The following GRM5 variants were observed in gnomAD, a reference collection of about 807,000 sequenced individuals.
GRM5 encodes the protein glutamate metabotropic receptor 5.
In GRM5, 19 loss-of-function variants were observed where a neutral mutation model predicts 83.1. The observed-to-expected ratio is 0.23, with a 90% CI of 0.16 to 0.34. GRM5 has a LOEUF of 0.34. GRM5 is among the 10% of genes least tolerant of loss of function. The probability of loss-of-function intolerance (pLI) is 1.00; values close to 1 mark genes in which losing one functional copy is unlikely to be tolerated. For missense variants in GRM5, 1,160 were observed against 1,588.3 expected (o/e 0.73, Z 4.58); for synonymous variants, 675 against 633.6 (o/e 1.07, Z -0.98).
In GRM5 at chr11:88,525,311, G is replaced by C; in HGVS notation, c.2724C>G (p.Ser908Arg). 1 of 1,581,278 alleles carries C rather than the reference G, an allele frequency of 6.3e-7. No homozygotes were observed. The highest frequency in any genetic ancestry group is 1.7e-5 in the Admixed American group (1 of 59,926). Reference protein sequence around the residue: ...SMGNGGRATMSSSNGKSVTWA... With the variant: ...SMGNGGRATMRSSNGKSVTWA... ...CAGGCCACTCATAGTTTGCTTACCT[G>C]CTCATTGTTGCTCTCCCACCATTCC... The change falls in exon 9 of 10, where the codon AGC becomes AGG. Residue 908 changes from serine (S) to arginine (R), a missense_variant and splice_region_variant. Physicochemically the swap from Ser to Arg is moderately radical, Grantham distance 110. Around this residue, in one of 9 missense-constraint regions of GRM5, gnomAD observed 562 missense variants for 532.4 expected, o/e 1.06. Transcript: ENST00000305447.
intron 3 of GRM5, among the ~76,000 whole-genome samples, chr11:88,680,715 A>G (rs886439499): frequency 3.9e-5 from 6 of 152,190 alleles, no homozygotes; most frequent in Admixed American, 6.5e-5. Context: ...AATAGCAAAG[A>G]CTTGGAACCA....
intron 2 of GRM5, among the ~76,000 whole-genome samples, chr11:88,971,647 G>A (rs1345864362): frequency 6.6e-6 from 1 of 152,110 alleles, no homozygotes; most frequent in African/African-American, 2.4e-5. Flanking sequence ...ATTCCATGGT[G>A]CATATGTACC....
At chr11:88,659,076 T>C (rs148580081) in intron 3 of GRM5, among the ~76,000 whole-genome samples, 155 of 152,212 alleles carry the variant, frequency 1.0e-3, no homozygotes, top group African/African-American at 3.6e-3. Context: ...GAGAATTGAA[T>C]TAAGGGAGTG....
chr11:88,607,865 C>T (rs2135236609), intron 4 of GRM5, among the ~76,000 whole-genome samples: 1 of 152,306 alleles, frequency 6.6e-6, no homozygotes, highest in East Asian at 1.9e-4. Flanking sequence ...GTTTTTCTCC[C>T]TTTCTTGCTT....
intron 2 of GRM5, among the ~76,000 whole-genome samples, chr11:88,893,589 C>CA (rs1270140688): frequency 1.3e-5 from 2 of 152,034 alleles, no homozygotes; most frequent in African/African-American, 4.8e-5. Flanking sequence ...ACCACTTATT[C>CA]AAAAAAGAAT....
At chr11:88,836,874 A>C (rs984848985) in intron 3 of GRM5, among the ~76,000 whole-genome samples, 5 of 152,154 alleles carry the variant, frequency 3.3e-5, no homozygotes, top group African/African-American at 1.2e-4. Context: ...ATAAAGAGCA[A>C]ATGTTTTTGA....
intron 3 of GRM5, among the ~76,000 whole-genome samples, chr11:88,683,751 G>C (rs764595625): frequency 6.6e-6 from 1 of 152,126 alleles, no homozygotes; most frequent in Non-Finnish European, 1.5e-5. Context: ...TATTTGATAA[G>C]TGCTAATATG....
At chr11:88,644,957 G>A (rs554655562) in intron 4 of GRM5, among the ~76,000 whole-genome samples, 1 of 152,102 alleles carries the variant, frequency 6.6e-6, no homozygotes, top group Non-Finnish European at 1.5e-5. Flanking sequence ...CTTTTATAGG[G>A]GAGTGGTTGT....
At chr11:88,693,857 T>C (rs1250973017) in intron 3 of GRM5, among the ~76,000 whole-genome samples, 1 of 140,634 alleles carries the variant, frequency 7.1e-6, no homozygotes, top group Non-Finnish European at 1.5e-5. Context: ...AATACATTCC[T>C]AATGCGTGAT....
chr11:89,030,674 A>T (rs1941240616), intron 2 of GRM5, among the ~76,000 whole-genome samples: 3 of 152,106 alleles, frequency 2.0e-5, no homozygotes, highest in Non-Finnish European at 4.4e-5. Context: ...AATATATAAA[A>T]ACAAAGTCCT....
rs370419907 is a variant in GRM5 at position 88,670,238 on chromosome 11, T to C, written c.912-16835A>G. Among the ~76,000 whole-genome samples, 7 of 151,756 alleles carry C rather than the reference T, an allele frequency of 4.6e-5. No individual in the cohort carries two copies. In the South Asian group the frequency reaches 1.5e-3, roughly 31 times the overall value. On this transcript the variant is annotated intron_variant, in intron 3 of 9. Coordinates refer to ENST00000305447, the MANE Select transcript of GRM5 (RefSeq NM_001143831.3). ...ACTTAATCCACACTGTTTACAAAAA[T>C]CAAAATTCAAGATAGATTGTAGACC... is the stretch of plus-strand genomic sequence containing the variant.
chr11:88,585,789 G>A (rs1188343416), intron 7 of GRM5, among the ~76,000 whole-genome samples: 3 of 152,004 alleles, frequency 2.0e-5, no homozygotes, highest in Non-Finnish European at 2.9e-5. Context: ...ATGAGGGCAG[G>A]GATCCTCTTT....
intron 3 of GRM5, among the ~76,000 whole-genome samples, chr11:88,757,563 AC>A (rs1277388760): frequency 6.6e-6 from 1 of 151,690 alleles, no homozygotes; most frequent in Non-Finnish European, 1.5e-5. Context: ...ACTTGTGCCC[AC>A]CAGTGTCTCA....
intron 3 of GRM5, among the ~76,000 whole-genome samples, chr11:88,792,984 G>C (rs940982407): frequency 9.2e-5 from 14 of 151,878 alleles, no homozygotes; most frequent in African/African-American, 1.7e-4. Context: ...GAGTAAGACG[G>C]GCCTTGTAAT....
intron 2 of GRM5, among the ~76,000 whole-genome samples, chr11:88,890,383 C>T (rs1319062968): frequency 6.6e-6 from 1 of 152,098 alleles, no homozygotes; most frequent in Non-Finnish European, 1.5e-5. Context: ...AAAGGCTCCA[C>T]CCTGAAGCCA....
At chr11:88,836,573 C>A (rs1402427524) in intron 3 of GRM5, among the ~76,000 whole-genome samples, 6 of 152,034 alleles carry the variant, frequency 3.9e-5, no homozygotes, top group Non-Finnish European at 7.4e-5. Context: ...GATGAGGTCA[C>A]TGGAAATCAG....
At chr11:88,662,895 C>T (rs1182160781) in intron 3 of GRM5, among the ~76,000 whole-genome samples, 2 of 152,154 alleles carry the variant, frequency 1.3e-5, no homozygotes, top group Non-Finnish European at 2.9e-5. Context: ...TCCAGAAAGC[C>T]TCCAAAAAGA....
intron 9 of GRM5, among the ~76,000 whole-genome samples, chr11:88,510,601 C>T (rs1256283181): frequency 2.0e-5 from 3 of 152,212 alleles, no homozygotes; most frequent in African/African-American, 2.4e-5. Context: ...ACTGCACCCT[C>T]GGCCTCTGGG....
At chr11:89,051,853 A>G (rs1941768608) in intron 1 of GRM5, among the ~76,000 whole-genome samples, 1 of 152,250 alleles carries the variant, frequency 6.6e-6, no homozygotes, top group Admixed American at 6.5e-5. Flanking sequence ...TCTTATAAAG[A>G]AACCTGTAAT....
Sources: gnomAD v4.1 joint callset for allele counts (sites outside exome capture counted in the v4.1 genomes callset) on GRCh38, gnomAD v4.1.1 for gene constraint, gnomAD v4.1.1 regional missense constraint, MANE v1.5 for transcripts, NCBI Gene and HGNC (gene_info 2026-07-23, HGNC 2026-07-21) for gene names.